MEP1A: variants seen among roughly 807,000 people sequenced by gnomAD.
The protein encoded by MEP1A is meprin A subunit alpha.
A neutral mutation model predicts 84.5 loss-of-function variants in MEP1A; 68 were observed. The observed-to-expected ratio is 0.80, with a 90% CI of 0.66 to 0.98. The LOEUF (loss-of-function observed/expected upper bound fraction) is 0.98, where lower values mean the gene tolerates loss of function less well. Among genes scored for constraint, MEP1A ranks in the 50% least tolerant of loss-of-function variants. MEP1A has a pLI of 0.00. For synonymous variants in MEP1A, 337 were observed against 336.8 expected (o/e 1.00, Z -0.01); for missense variants, 887 against 919.9 (o/e 0.96, Z 0.46).
chr6:46,800,134 G>A (rs1027915697), intron 5 of MEP1A, among the ~76,000 whole-genome samples: 9 of 152,086 alleles, frequency 5.9e-5, no homozygotes, highest in South Asian at 4.1e-4. Flanking sequence ...GCAAATTCAC[G>A]GAACATCAAT....
chr6:46,804,050 A>C (rs908958079), intron 5 of MEP1A, among the ~76,000 whole-genome samples: 2 of 151,692 alleles, frequency 1.3e-5, no homozygotes, highest in Non-Finnish European at 3.0e-5. Flanking sequence ...GTTATCTTTT[A>C]AAGTAATTGA....
At position 46,833,376 on chromosome 6, in the gene MEP1A, A is replaced by ATG; in HGVS notation, c.1447_1448insTG (p.Arg483MetfsTer20). 1 of 1,614,202 alleles carries ATG rather than the reference A, an allele frequency of 6.2e-7. No individual in the cohort carries two copies. The highest frequency in any genetic ancestry group is 8.5e-7 in the Non-Finnish European group (1 of 1,180,016). On this transcript the variant is annotated frameshift_variant, in exon 11 of 14. Coordinates refer to ENST00000230588, the MANE Select transcript of MEP1A (RefSeq NM_005588.3). LOFTEE classifies it high-confidence loss of function. Reference sequence around the variant, plus strand: ...TAGCAGAGAAAGCTCTGGTTACTTGAGACTTGCTTTTCATGTGTGCAGTGG... The same window carrying ATG: ...TAGCAGAGAAAGCTCTGGTTACTTGATGGACTTGCTTTTCATGTGTGCAGTGG...
At chr6:46,802,605 C>T (rs1193057138) in intron 5 of MEP1A, among the ~76,000 whole-genome samples, 1 of 151,630 alleles carries the variant, frequency 6.6e-6, no homozygotes, top group Non-Finnish European at 1.5e-5. Context: ...CCTTCATTAC[C>T]ATGTTGAATA....
At position 46,833,335 on chromosome 6, in the gene MEP1A, T is replaced by C. The variant is rs1768120699; in HGVS notation, c.1406T>C (p.Val469Ala). The change falls in exon 11 of 14, where the codon GTA becomes GCA. Residue 469 changes from valine (V) to alanine (A), a missense_variant. Transcript: ENST00000230588. Reference sequence around the variant, plus strand: ...AATTCGGAGGGATATGGTTTTGGGGTAACTTTATACCCAAATAGCAGAGAA... The same window carrying C: ...AATTCGGAGGGATATGGTTTTGGGGCAACTTTATACCCAAATAGCAGAGAA... ...FYNSEGYGFG[V>A]TLYPNSRESS... is the part of the protein sequence containing the mutation. The C allele has an allele frequency of 3.7e-6, 6 of 1,614,164 alleles. No individual in the cohort carries two copies. Among genetic ancestry groups the C allele is most frequent in the African/African-American group, 1.3e-5 (1 of 75,034 alleles).
chr6:46,796,599 G>A (rs571644039), intron 3 of MEP1A, among the ~76,000 whole-genome samples: 1 of 152,270 alleles, frequency 6.6e-6, no homozygotes, highest in Non-Finnish European at 1.5e-5. Context: ...CTGTATCCCA[G>A]CATCTAGAAA....
At chr6:46,807,821 AAG>A (rs1491586192) in intron 5 of MEP1A, among the ~76,000 whole-genome samples, 3 of 150,922 alleles carry the variant, frequency 2.0e-5, no homozygotes, top group Admixed American at 6.6e-5. Flanking sequence ...GAAAGAAAGA[AAG>A]AAAGAAAGAA....
rs562696291 is a variant in MEP1A at position 46,835,709 on chromosome 6, C to T, written c.2084+160C>T. Among the ~76,000 whole-genome samples, 6 of 152,318 alleles carry T rather than the reference C, an allele frequency of 3.9e-5. No homozygotes were observed. The South Asian group carries it at 1.2e-3, about 32-fold the overall frequency. ...ACTCTACAAAGGTGTGCCCTGGATT[C>T]ATGGGCTTATGCTGCCAGGACAGAG... is the stretch of plus-strand genomic sequence containing the variant. On this transcript the variant is annotated intron_variant, in intron 13 of 13. Coordinates refer to ENST00000230588, the MANE Select transcript of MEP1A (RefSeq NM_005588.3).
intron 3 of MEP1A, among the ~76,000 whole-genome samples, chr6:46,794,785 G>C (rs530426686): frequency 5.3e-5 from 8 of 152,240 alleles, no homozygotes; most frequent in African/African-American, 1.9e-4. Context: ...TGTGTAAACA[G>C]TTCAGAGAAT....
chr6:46,793,717 G>A lies in MEP1A; in HGVS notation c.145+1G>A. On this transcript the variant is annotated splice_donor_variant, in intron 3 of 13. Transcript: ENST00000230588. LOFTEE classifies it high-confidence loss of function. The stretch of plus-strand genomic sequence containing the variant: ...AAGGATATTTCAGAAATCAATTTAG[G>A]TGAGTTCAATTTTTGTGTTATTAAA... The A allele has an allele frequency of 6.2e-7, 1 of 1,604,408 alleles. No homozygotes were observed. The highest frequency in any genetic ancestry group is 8.5e-7 in the Non-Finnish European group (1 of 1,172,264).
At chr6:46,807,050 T>C (rs758777599) in intron 5 of MEP1A, among the ~76,000 whole-genome samples, 4 of 151,942 alleles carry the variant, frequency 2.6e-5, no homozygotes, top group Admixed American at 6.6e-5. Flanking sequence ...TCAAGCTCCT[T>C]GACAATTTTG....
At chr6:46,827,870 A>G (rs1767982971) in intron 9 of MEP1A, among the ~76,000 whole-genome samples, 1 of 152,246 alleles carries the variant, frequency 6.6e-6, no homozygotes, top group African/African-American at 2.4e-5. Flanking sequence ...AATCTGCTGA[A>G]AAAATGTTCT....
Position 46,829,236 on chromosome 6 carries a change from A to G in MEP1A, c.929-120A>G, listed in dbSNP as rs1768018627. The G allele has an allele frequency of 4.0e-6, 3 of 755,980 alleles. No homozygotes were observed. Among genetic ancestry groups the G allele is most frequent in the Non-Finnish European group, 4.5e-6 (2 of 441,052 alleles). The allele number at this position is 755,980 out of a possible 1,614,324, so 46.8% of individuals were successfully genotyped here. A position where few individuals can be genotyped will look rare whatever the true frequency, so the allele number is the denominator to read the frequency against. ...TGTCCTTCTTTTTATTTTCCTCCGA[A>G]GAGTTCTAGTTTTTGTTGCCTGGAC... On this transcript the variant is annotated intron_variant, in intron 9 of 13. Transcript: ENST00000230588.
Position 46,797,778 on chromosome 6 carries a change from T to TTC in MEP1A, c.146-826_146-825dup, listed in dbSNP as rs1468149199. Among the ~76,000 whole-genome samples the TTC allele has an allele frequency of 1.1e-3, 154 of 134,730 alleles. 1 individual carries two copies. Among genetic ancestry groups the TTC allele is most frequent in the African/African-American group, 4.6e-3 (149 of 32,430 alleles). The allele number at this position is 134,730 out of a possible 152,430, so 88.4% of individuals were successfully genotyped here. On this transcript the variant is annotated intron_variant, in intron 3 of 13. Coordinates refer to ENST00000230588, the MANE Select transcript of MEP1A (RefSeq NM_005588.3). ...CTCAATAGTCTTTCTTTCTTTTTCT[T>TTC]TCTTTCTTTCTTTCTCTTTCTTTCT...
At position 46,798,621 on chromosome 6, in the gene MEP1A, T is replaced by A. The variant is rs1252001023; in HGVS notation, c.161T>A (p.Leu54His). 1 of 1,614,022 alleles carries A rather than the reference T, an allele frequency of 6.2e-7. No individual in the cohort carries two copies. The highest frequency in any genetic ancestry group is 8.5e-7 in the Non-Finnish European group (1 of 1,179,938). Reference protein sequence around the residue: ...SEINLAAGLDLFQGDILLQKS... With the variant: ...SEINLAAGLDHFQGDILLQKS... ...CCACTTCCAGCTGCAGGCTTGGACC[T>A]CTTTCAAGGGGACATCCTCTTGCAG... The change falls in exon 4 of 14, where the codon CTC becomes CAC. Residue 54 changes from leucine (L) to histidine (H), a missense_variant. By Grantham distance (99) the Leu-to-His change is moderately conservative (BLOSUM62 -3). Transcript: ENST00000230588.
At chr6:46,817,919 C>G (rs370442102) in intron 6 of MEP1A, among the ~76,000 whole-genome samples, 1 of 152,194 alleles carries the variant, frequency 6.6e-6, no homozygotes, top group East Asian at 1.9e-4. Context: ...CCCCTAAGCC[C>G]TTCAGGGCAC....
chr6:46,844,633 G>A (rs1768383902), downstream of MEP1A, among the ~76,000 whole-genome samples: 2 of 152,226 alleles, frequency 1.3e-5, no homozygotes, highest in South Asian at 2.1e-4. Context: ...AGAAAGGCAT[G>A]AGAAGAGAGC....
intron 10 of MEP1A, among the ~76,000 whole-genome samples, chr6:46,832,543 G>T (rs545905327): frequency 6.6e-6 from 1 of 152,298 alleles, no homozygotes; most frequent in South Asian, 2.1e-4. Context: ...ATAAGGAAGA[G>T]AAAAAAGTCT....
At chr6:46,798,990 C>CT in intron 4 of MEP1A, 116 bp from the exon 5 acceptor site, 1 of 703,658 alleles carries the variant, frequency 1.4e-6, no homozygotes, top group East Asian at 2.5e-5. Flanking sequence ...CAAATTGCCA[C>CT]TAAACTGTTT....
downstream of MEP1A, among the ~76,000 whole-genome samples, chr6:46,842,368 T>G (rs966211203): frequency 6.6e-6 from 1 of 152,156 alleles, no homozygotes; most frequent in African/African-American, 2.4e-5. Context: ...ATAGGAGAGA[T>G]ATCGCTGAAT....
Sources: allele counts gnomAD v4.1 joint callset (sites outside exome capture counted in the v4.1 genomes callset), GRCh38; gene constraint gnomAD v4.1.1; transcripts MANE v1.5; gene names NCBI Gene and HGNC (gene_info 2026-07-23, HGNC 2026-07-21).